Variants in POLQ observed in about 807,000 individuals in gnomAD.
The protein encoded by POLQ is DNA polymerase theta, also known as epididymis secretory sperm binding protein.
In POLQ, 233 loss-of-function variants were observed where a neutral mutation model predicts 259.2. That is an observed-to-expected ratio of 0.90 (90% CI 0.81 to 1.00). The LOEUF (loss-of-function observed/expected upper bound fraction) is 1.00. Among genes scored for constraint, POLQ ranks in the 50% least tolerant of loss-of-function variants. The pLI is 0.00. For missense variants in POLQ, 2,871 were observed against 3,051.6 expected (o/e 0.94, Z 1.39); for synonymous variants, 1,025 against 1,048.8 (o/e 0.98, Z 0.44).
At chr3:121,537,335 T>C in intron 4 of POLQ, 127 bp from the exon 5 acceptor site, 2 of 636,522 alleles carry the variant, frequency 3.1e-6, no homozygotes, top group East Asian at 2.7e-5. Flanking sequence ...TGGGGGTACA[T>C]GTGAAGGTCT....
intron 12 of POLQ, among the ~76,000 whole-genome samples, chr3:121,500,359 CAAAT>C (rs1164752242): frequency 6.6e-6 from 1 of 151,362 alleles, no homozygotes; most frequent in Non-Finnish European, 1.5e-5. Flanking sequence ...TTCTTGAACT[CAAAT>C]AACACTCCTG....
intron 9 of POLQ, among the ~76,000 whole-genome samples, 189 bp downstream of exon 9, chr3:121,519,675 CAAAAAAA>C (rs959037678): frequency 3.3e-5 from 2 of 59,816 alleles, no homozygotes; most frequent in South Asian, 6.1e-4. Context: ...GACTCCGTCT[CAAAAAAA>C]AAAAAAAAAA....
intron 15 of POLQ, among the ~76,000 whole-genome samples, chr3:121,491,849 G>A (rs775522833): frequency 5.3e-5 from 8 of 151,898 alleles, no homozygotes; most frequent in South Asian, 2.1e-4. Flanking sequence ...GAACTGGGCC[G>A]CACAGCAGGA....
chr3:121,535,729 A>AG (rs1231241360), intron 5 of POLQ, among the ~76,000 whole-genome samples: 3 of 151,602 alleles, frequency 2.0e-5, no homozygotes, highest in Admixed American at 6.6e-5. Context: ...AAAAAAAAAA[A>AG]AAAAGAAAGA....
chr3:121,503,566 AC>A (rs1417022245), intron 12 of POLQ, among the ~76,000 whole-genome samples: 3 of 152,194 alleles, frequency 2.0e-5, no homozygotes, highest in Admixed American at 6.5e-5. Flanking sequence ...AGTCAATTAG[AC>A]CTAAGAGACA....
At position 121,476,564 on chromosome 3, in the gene POLQ, G is replaced by GA. The variant is rs1457641014; in HGVS notation, c.6380dup (p.Thr2128HisfsTer5). Reference sequence around the variant, plus strand: ...CCTCAGCGATGTCATCTGAACTGGTGAAAGAAAAACTGTGGCCAGCTAGTT... The same window carrying GA: ...CCTCAGCGATGTCATCTGAACTGGTGAAAAGAAAAACTGTGGCCAGCTAGTT... On this transcript the variant is annotated frameshift_variant, in exon 20 of 30. Coordinates refer to ENST00000264233, the MANE Select transcript of POLQ (RefSeq NM_199420.4). LOFTEE classifies it high-confidence loss of function. 1.9e-6 allele frequency: 3 copies of GA among 1,613,380 alleles called. No individual in the cohort carries two copies. The African/African-American group carries it at 4.0e-5, about 22-fold the overall frequency.
chr3:121,514,354 CAAT>C (rs1272813038), intron 9 of POLQ, among the ~76,000 whole-genome samples: 10 of 82,744 alleles, frequency 1.2e-4, no homozygotes, highest in Non-Finnish European at 1.5e-4. Context: ...ACAACAACAA[CAAT>C]AACCAAAAAA....
intron 24 of POLQ, 101 bp from the exon 25 acceptor site, chr3:121,460,335 C>T: frequency 1.2e-6 from 1 of 815,290 alleles, no homozygotes; most frequent in Non-Finnish European, 2.0e-6. Flanking sequence ...AAATTTTGTT[C>T]TAACTTAGAA....
chr3:121,432,592 T>C (rs1436620031), intron 29 of POLQ, among the ~76,000 whole-genome samples, 175 bp from the exon 30 acceptor site: 2 of 152,222 alleles, frequency 1.3e-5, no homozygotes, highest in African/African-American at 4.8e-5. Flanking sequence ...AGACATCTCA[T>C]ACTCTTCTTC....
Position 121,539,525 on chromosome 3 carries a change from T to C in POLQ, c.539A>G (p.His180Arg), listed in dbSNP as rs1315994314. 7 of 1,612,478 alleles carry C rather than the reference T, an allele frequency of 4.3e-6. No individual in the cohort carries two copies. In the South Asian group the frequency reaches 7.7e-5, roughly 18 times the overall value. The change falls in exon 4 of 30, where the codon CAT becomes CGT. Residue 180 changes from histidine to arginine, a missense_variant. Around this residue, in one of 3 missense-constraint regions of POLQ, gnomAD observed 783 missense variants for 906.2 expected, o/e 0.86. Transcript: ENST00000264233. The part of the protein sequence containing the change: ...GYMGSTSPSR[H>R]FSSLDIAVCT... ...GACTGCAATATCCAATGAAGAGAAATGCCTTGATGGAGAGGTGCTGCCCAT... is the reference window on the plus strand; with the variant it reads ...GACTGCAATATCCAATGAAGAGAAACGCCTTGATGGAGAGGTGCTGCCCAT...
chr3:121,466,363 CA>C (rs751087085), intron 24 of POLQ, among the ~76,000 whole-genome samples: 54,446 of 94,142 alleles, frequency 0.58, 12,655 homozygotes, highest in East Asian at 0.83. Flanking sequence ...GACTCCGTCT[CA>C]AAAAAAAAAA....
At chr3:121,535,408 A>T (rs992757551) in intron 5 of POLQ, among the ~76,000 whole-genome samples, 1 of 152,170 alleles carries the variant, frequency 6.6e-6, no homozygotes. Context: ...CTTGACTTTT[A>T]TACCTGGACA....
At position 121,439,987 on chromosome 3, in the gene POLQ, C is replaced by T; in HGVS notation, c.7389+5G>A. On this transcript the variant is annotated splice_donor_5th_base_variant and intron_variant, in intron 27 of 29. Transcript: ENST00000264233. ...AGTTAAAATTCCTAAAAAATTTCAA[C>T]ATACGTGAGCTTTACGATAAGGGTT... 6.2e-7 allele frequency: 1 copy of T among 1,610,224 alleles called. No individual in the cohort carries two copies. The highest frequency in any genetic ancestry group is 8.5e-7 in the Non-Finnish European group (1 of 1,178,580).
intron 26 of POLQ, among the ~76,000 whole-genome samples, chr3:121,446,593 T>G (rs1001695012): frequency 1.3e-5 from 2 of 152,192 alleles, no homozygotes; most frequent in Non-Finnish European, 2.9e-5. Context: ...TGATATTTGC[T>G]TTATATGTCC....
rs2048236211 is a variant in POLQ, at chr3:121,509,574, T to C, written c.1946A>G (p.His649Arg). 2 of 1,611,922 alleles carry C rather than the reference T, an allele frequency of 1.2e-6. No individual in the cohort carries two copies. The highest frequency in any genetic ancestry group is 8.5e-7 in the Non-Finnish European group (1 of 1,178,924). Residue 649 changes from histidine to arginine, a missense_variant, in exon 12 of 30, where the codon CAT (histidine) becomes CGT (arginine). Transcript: ENST00000264233. ...MKGFVLENDL[H>R]ILYLVTPMFE... ...AACAGAACTTACCAGATAGAGAATATGAAGATCATTCTCTAAAACAAAGCC... is the reference window on the plus strand; with the variant it reads ...AACAGAACTTACCAGATAGAGAATACGAAGATCATTCTCTAAAACAAAGCC...
Position 121,440,328 on chromosome 3 carries a change from C to G in POLQ, c.7265-212G>C, listed in dbSNP as rs147007856. On this transcript the variant is annotated intron_variant, in intron 26 of 29. Transcript: ENST00000264233. ...ACTTTAGAAATGAAATACTCTAACTCTTTGGGTTTTTTTGTTTTTGAGACA... is the reference window on the plus strand; with the variant it reads ...ACTTTAGAAATGAAATACTCTAACTGTTTGGGTTTTTTTGTTTTTGAGACA... 3.9e-3 allele frequency among the ~76,000 whole-genome samples: 590 copies of G among 152,204 alleles called. 4 individuals carry two copies. Among genetic ancestry groups the G allele is most frequent in the Non-Finnish European group, 6.9e-3 (471 of 67,996 alleles).
chr3:121,496,468 C>A (rs1407148098), intron 14 of POLQ, among the ~76,000 whole-genome samples: 1 of 152,154 alleles, frequency 6.6e-6, no homozygotes, highest in Non-Finnish European at 1.5e-5. Flanking sequence ...AGCCACCGCG[C>A]CCGGCAATCA....
At chr3:121,475,075 T>C (rs1473872056) in intron 20 of POLQ, among the ~76,000 whole-genome samples, 1 of 152,224 alleles carries the variant, frequency 6.6e-6, no homozygotes, top group African/African-American at 2.4e-5. Context: ...CTATTGACTG[T>C]AGTCACCCTT....
At chr3:121,453,744 T>C (rs2047702896) in intron 25 of POLQ, among the ~76,000 whole-genome samples, 1 of 151,726 alleles carries the variant, frequency 6.6e-6, no homozygotes, top group Non-Finnish European at 1.5e-5. Context: ...AAAGACCAAA[T>C]CTATGTCTCA....
Sources: gnomAD v4.1 joint callset for allele counts (sites outside exome capture counted in the v4.1 genomes callset) on GRCh38, gnomAD v4.1.1 for gene constraint, gnomAD v4.1.1 regional missense constraint, MANE v1.5 for transcripts, NCBI Gene and HGNC (gene_info 2026-07-23, HGNC 2026-07-21) for gene names.